Variants in PLPPR2 observed in about 807,000 individuals in gnomAD.
PLPPR2 encodes the protein phospholipid phosphatase-related protein type 2.
A neutral mutation model predicts 40.3 loss-of-function variants in PLPPR2; 11 were observed. The ratio of observed to expected loss-of-function variants is 0.27; its 90% confidence interval spans 0.17 to 0.45. PLPPR2 has a LOEUF of 0.45. Ranked by LOEUF, PLPPR2 falls within the 20% of genes least tolerant of loss-of-function variation. The probability of loss-of-function intolerance (pLI) is 1.00; values close to 1 mark genes in which losing one functional copy is unlikely to be tolerated. For synonymous variants in PLPPR2, 260 were observed against 290.8 expected, an observed-to-expected ratio of 0.89 and a Z score of 1.08; for missense variants, 497 against 640.7, an observed-to-expected ratio of 0.78 and a Z score of 2.42.
chr19:11,356,459 T>C (rs1428059880), intron 1 of PLPPR2, among the ~76,000 whole-genome samples: 2 of 70,448 alleles, frequency 2.8e-5, no homozygotes, highest in African/African-American at 5.3e-5. Context: ...GGGGTGGGGG[T>C]GGGGACTTGT....
At chr19:11,360,233 T>A (rs1599403600) in intron 5 of PLPPR2, among the ~76,000 whole-genome samples, 1 of 149,544 alleles carries the variant, frequency 6.7e-6, no homozygotes, top group Non-Finnish European at 1.5e-5. Context: ...GAGGCAGAGG[T>A]TGCAGTGAGC....
intron 5 of PLPPR2, 76 bp downstream of exon 5, chr19:11,360,032 G>T: frequency 1.3e-6 from 2 of 1,484,748 alleles, no homozygotes; most frequent in Middle Eastern, 1.8e-4. Flanking sequence ...TCATGGGCCT[G>T]ACAGTCATAA....
rs1344497318 is a variant in PLPPR2, at chr19:11,357,754, A to G, written c.66+15A>G. The G allele has an allele frequency of 3.8e-6, 6 of 1,589,854 alleles. No homozygotes were observed. Among genetic ancestry groups the G allele is most frequent in the Non-Finnish European group, 5.1e-6 (6 of 1,166,716 alleles). ...TCTTCGTGGAGGTGAGGACCCCCGT[A>G]CCTCTCCCAGAGACGGCGTGCCTAT... On this transcript the variant is annotated intron_variant, in intron 3 of 9. Coordinates refer to ENST00000688289, the MANE Select transcript of PLPPR2 (RefSeq NM_001393892.1).
In PLPPR2 at chr19:11,364,246, G is replaced by T; in HGVS notation, c.1015+34G>T. On this transcript the variant is annotated intron_variant, in intron 9 of 9. Transcript: ENST00000688289. This position sits in a 1 kb window ranked among gnomAD's most constrained non-coding sequence, Gnocchi z 5.8. ...TGGGGGAGTGGGGGGCTAAACAGGG[G>T]GACTTCCAGGTGGGCAGCCACTGCC... 6.3e-7 allele frequency: 1 copy of T among 1,592,358 alleles called. No individual in the cohort carries two copies. The highest frequency in any genetic ancestry group is 8.6e-7 in the Non-Finnish European group (1 of 1,167,556).
chr19:11,359,336 C>T lies in PLPPR2; in HGVS notation c.67-196C>T, dbSNP rs147464704. Reference sequence around the variant, plus strand: ...TCCTTCTCCTTCTGTTTCTCCTAAGCCCTGACCCTTCTCTCACCTCCTTTC... The same window carrying T: ...TCCTTCTCCTTCTGTTTCTCCTAAGTCCTGACCCTTCTCTCACCTCCTTTC... On this transcript the variant is annotated intron_variant, in intron 3 of 9. Transcript: ENST00000688289. This position sits in a 1 kb window ranked among gnomAD's most constrained non-coding sequence, Gnocchi z 5.6. 4.0e-6 allele frequency: 2 copies of T among 503,032 alleles called. No individual in the cohort carries two copies. The highest frequency in any genetic ancestry group is 6.7e-5 in the East Asian group (2 of 30,050). The allele number at this position is 503,032 out of a possible 1,614,324, so 31.2% of individuals were successfully genotyped here.
intron 5 of PLPPR2, 133 bp downstream of exon 5, chr19:11,360,089 G>A: frequency 7.9e-7 from 1 of 1,261,850 alleles, no homozygotes; most frequent in Non-Finnish European, 1.0e-6. Context: ...TCTCAGCACT[G>A]TGGGAGGCCA....
rs1444154877 is a variant in PLPPR2 at position 11,361,412 on chromosome 19, G to T, written c.587G>T (p.Ser196Ile). The change falls in exon 6 of 10, where the codon AGC becomes ATC. Residue 196 changes from serine (S) to isoleucine (I), a missense_variant. Physicochemically the swap from Ser to Ile is moderately radical, Grantham distance 142. Coordinates refer to ENST00000688289, the MANE Select transcript of PLPPR2 (RefSeq NM_001393892.1). This position sits in a 1 kb window ranked among gnomAD's most constrained non-coding sequence, Gnocchi z 6.3. Reference sequence around the variant, plus strand: ...CAGGGTGCCTGCGCTGGCAGTCCCAGCCTCGTGGCCGCCGCGCGCCGCGCC... The same window carrying T: ...CAGGGTGCCTGCGCTGGCAGTCCCATCCTCGTGGCCGCCGCGCGCCGCGCC... The part of the protein sequence containing the change: ...TDQGACAGSP[S>I]LVAAARRAFP... The T allele has an allele frequency of 6.2e-7, 1 of 1,608,324 alleles. No homozygotes were observed. Among genetic ancestry groups the T allele is most frequent in the Admixed American group, 1.7e-5 (1 of 59,960 alleles).
In PLPPR2 at chr19:11,364,449, G is replaced by C; in HGVS notation, c.1118G>C (p.Arg373Thr). Residue 373 changes from arginine (R) to threonine (T), a missense_variant, in exon 10 of 10, where the codon AGG becomes ACG. Arg to Thr is a moderately conservative substitution (Grantham distance 71). Transcript: ENST00000688289. This position sits in a 1 kb window ranked among gnomAD's most constrained non-coding sequence, Gnocchi z 5.8. ...CCCCGTGTGCCCCGTCCTCGATTGAGGTCTGAGCCGACGCCCTTGCCCCTG... is the reference window on the plus strand; with the variant it reads ...CCCCGTGTGCCCCGTCCTCGATTGACGTCTGAGCCGACGCCCTTGCCCCTG... ...SSPRVPRPRL[R>T]SEPTPLPLPL... The C allele has an allele frequency of 6.6e-7, 1 of 1,519,924 alleles. No individual in the cohort carries two copies. The highest frequency in any genetic ancestry group is 8.8e-7 in the Non-Finnish European group (1 of 1,140,572). The allele number at this position is 1,519,924 out of a possible 1,614,324, so 94.2% of individuals were successfully genotyped here. A position where few individuals can be genotyped will look rare whatever the true frequency, so the allele number is the denominator to read the frequency against.
At position 11,361,882 on chromosome 19, in the gene PLPPR2, C is replaced by T. The variant is rs1568321834; in HGVS notation, c.663+394C>T. ...GCAGACTGGGCAGATGGGACGGCCCCCTGGAGTCCTTGCCCCTCTTCTGGA... is the reference window on the plus strand; with the variant it reads ...GCAGACTGGGCAGATGGGACGGCCCTCTGGAGTCCTTGCCCCTCTTCTGGA... On this transcript the variant is annotated intron_variant, in intron 6 of 9. Transcript: ENST00000688289. The surrounding 1 kb of genome is among the most constrained non-coding windows in gnomAD (Gnocchi z 6.3). Among the ~76,000 whole-genome samples the T allele has an allele frequency of 6.7e-6, 1 of 149,556 alleles. No individual in the cohort carries two copies. The highest frequency in any genetic ancestry group is 1.5e-5 in the Non-Finnish European group (1 of 67,980).
chr19:11,358,574 C>G lies in PLPPR2; in HGVS notation c.66+835C>G, dbSNP rs183135346. Among the ~76,000 whole-genome samples, 3 of 152,018 alleles carry G rather than the reference C, an allele frequency of 2.0e-5. No homozygotes were observed. The East Asian group carries it at 5.8e-4, about 29-fold the overall frequency. ...CTCCCCATGCCCATCTCTTCTCTCC[C>G]TCTCTCTACAACTCCCTTCCCTTTT... On this transcript the variant is annotated intron_variant, in intron 3 of 9. Transcript: ENST00000688289.
At chr19:11,360,454 G>C (rs1424749184) in intron 5 of PLPPR2, among the ~76,000 whole-genome samples, 2 of 152,190 alleles carry the variant, frequency 1.3e-5, no homozygotes, top group African/African-American at 2.4e-5. Context: ...GGAATTCCAG[G>C]GGGGAAGGAA....
At chr19:11,358,505 C>G (rs536320306) in intron 3 of PLPPR2, among the ~76,000 whole-genome samples, 1 of 152,106 alleles carries the variant, frequency 6.6e-6, no homozygotes, top group African/African-American at 2.4e-5. Flanking sequence ...TCCACCTCCC[C>G]CTGTCTGTCT....
Position 11,357,711 on chromosome 19 carries a change from C to T in PLPPR2, c.38C>T (p.Ser13Phe). ...GGRPHLKRSF[S>F]IIPCFVFVES... ...AGACCGCATCTGAAGAGGAGTTTCT[C>T]CATCATCCCCTGCTTTGTCTTCGTG... Residue 13 changes from serine (S) to phenylalanine (F), a missense_variant, in exon 3 of 10, where the codon TCC (serine) becomes TTC (phenylalanine). Physicochemically the swap from Ser to Phe is radical, Grantham distance 155. Transcript: ENST00000688289. The T allele has an allele frequency of 6.2e-7, 1 of 1,607,004 alleles. No individual in the cohort carries two copies. The highest frequency in any genetic ancestry group is 8.5e-7 in the Non-Finnish European group (1 of 1,176,314).
Position 11,364,855 on chromosome 19 carries a change from C to A in PLPPR2, c.*165C>A. The A allele has an allele frequency of 1.3e-6, 1 of 778,694 alleles. No homozygotes were observed. Among genetic ancestry groups the A allele is most frequent in the South Asian group, 1.7e-5 (1 of 57,206 alleles). 48.2% of individuals were successfully genotyped at this position (778,694 alleles called of 1,614,324 possible). A position where few individuals can be genotyped will look rare whatever the true frequency, so the allele number is the denominator to read the frequency against. On this transcript the variant is annotated 3_prime_UTR_variant, in exon 10 of 10. Coordinates refer to ENST00000688289, the MANE Select transcript of PLPPR2 (RefSeq NM_001393892.1). This position sits in a 1 kb window ranked among gnomAD's most constrained non-coding sequence, Gnocchi z 5.8. ...ATTTAGGAGACATCTGCCTCTCTGG[C>A]CCTCTGAGATATCCCGATGGGCACA...
At chr19:11,358,736 A>G (rs1599401631) in intron 3 of PLPPR2, among the ~76,000 whole-genome samples, 1 of 129,906 alleles carries the variant, frequency 7.7e-6, no homozygotes. Flanking sequence ...TTCTTTTGTG[A>G]TGGAGTCTTG....
At position 11,363,793 on chromosome 19, in the gene PLPPR2, C is replaced by T. The variant is rs1968115175; in HGVS notation, c.921C>T (p.Ala307=). ...RLSPWEDLGQ[A]PTMDSPLEKL... is the part of the protein sequence containing the mutation. ...CTCCCTGGGAGGACCTGGGCCAAGC[C>T]CCCACCATGGATAGCCCCCTCGAAA... The change falls in exon 8 of 10, where the codon GCC becomes GCT. Residue 307 remains alanine (A), a synonymous_variant. Coordinates refer to ENST00000688289, the MANE Select transcript of PLPPR2 (RefSeq NM_001393892.1). This position sits in a 1 kb window ranked among gnomAD's most constrained non-coding sequence, Gnocchi z 4.8. 1 of 1,614,060 alleles carries T rather than the reference C, an allele frequency of 6.2e-7. No individual in the cohort carries two copies. Among genetic ancestry groups the T allele is most frequent in the African/African-American group, 1.3e-5 (1 of 74,930 alleles).
At chr19:11,357,817 C>T in intron 3 of PLPPR2, 78 bp downstream of exon 3, 1 of 1,169,810 alleles carries the variant, frequency 8.5e-7, no homozygotes, top group Non-Finnish European at 1.2e-6. Flanking sequence ...TTATCTGTAC[C>T]CACTTTTCCA....
chr19:11,357,878 CT>C, intron 3 of PLPPR2, 139 bp downstream of exon 3: 1 of 662,568 alleles, frequency 1.5e-6, no homozygotes, highest in Non-Finnish European at 2.4e-6. Flanking sequence ...TGGTTATGAG[CT>C]TAGATTCAGA....
rs924365730 is a variant in PLPPR2 at position 11,359,517 on chromosome 19, C to G, written c.67-15C>G. 5.9e-6 allele frequency: 9 copies of G among 1,525,998 alleles called. No individual in the cohort carries two copies. The highest frequency in any genetic ancestry group is 1.4e-5 in the African/African-American group (1 of 72,436). 94.5% of individuals were successfully genotyped at this position (1,525,998 alleles called of 1,614,324 possible). On this transcript the variant is annotated splice_polypyrimidine_tract_variant and intron_variant, in intron 3 of 9. Coordinates refer to ENST00000688289, the MANE Select transcript of PLPPR2 (RefSeq NM_001393892.1). This position sits in a 1 kb window ranked among gnomAD's most constrained non-coding sequence, Gnocchi z 5.6. The stretch of plus-strand genomic sequence containing the variant: ...TCTCTCTCCGCCACCTCTCCCCGCC[C>G]TGGCTTGGTGGCAGTCGGTGCTGCT...
Sources: allele counts gnomAD v4.1 joint callset (sites outside exome capture counted in the v4.1 genomes callset), GRCh38; gene constraint gnomAD v4.1.1; non-coding constraint Gnocchi (gnomAD v3.1); transcripts MANE v1.5; gene names NCBI Gene and HGNC (gene_info 2026-07-23, HGNC 2026-07-21).